The following CHID1 variants were observed in gnomAD, a reference collection of about 807,000 sequenced individuals.
CHID1 encodes chitinase domain-containing protein 1.
Under a neutral mutation model 55.4 loss-of-function variants are expected in CHID1, and 44 were observed. The observed-to-expected ratio is 0.79, with a 90% CI of 0.62 to 1.02. The LOEUF is 1.02. CHID1 is among the 50% of genes least tolerant of loss of function. The probability of loss-of-function intolerance (pLI) is 0.00; values close to 1 mark genes in which losing one functional copy is unlikely to be tolerated. For missense variants in CHID1, 491 were observed against 515.3 expected (o/e 0.95, Z 0.46); for synonymous variants, 216 against 212.9 (o/e 1.01, Z -0.13).
At chr11:896,707 C>T (rs1422872859) in intron 7 of CHID1, among the ~76,000 whole-genome samples, 1 of 137,798 alleles carries the variant, frequency 7.3e-6, no homozygotes, top group African/African-American at 2.8e-5. Flanking sequence ...TCTCAGCACC[C>T]CCAGCCTCCA....
intron 10 of CHID1, among the ~76,000 whole-genome samples, chr11:874,131 G>A (rs1221483362): frequency 3.3e-5 from 5 of 152,198 alleles, no homozygotes; most frequent in African/African-American, 9.7e-5. Flanking sequence ...TTGCTCCAAA[G>A]CCTGGGGACT....
chr11:871,279 C>T (rs1020514475), intron 10 of CHID1, among the ~76,000 whole-genome samples: 1 of 152,170 alleles, frequency 6.6e-6, no homozygotes, highest in African/African-American at 2.4e-5. Context: ...GCGTGAGCCA[C>T]CGCGCCTGGC....
At chr11:880,133 G>A (rs1849799129) in intron 10 of CHID1, among the ~76,000 whole-genome samples, 1 of 152,244 alleles carries the variant, frequency 6.6e-6, no homozygotes. Context: ...ATCTCAGCAG[G>A]AACAGGGGAC....
chr11:901,057 C>T (rs1565197871), intron 4 of CHID1, 77 bp from the exon 5 acceptor site: 6 of 1,374,770 alleles, frequency 4.4e-6, no homozygotes, highest in South Asian at 3.9e-5. Flanking sequence ...AGGAGGAAAA[C>T]GTGGCAGCCG....
chr11:905,292 A>G (rs902442881), intron 1 of CHID1, among the ~76,000 whole-genome samples: 1 of 152,182 alleles, frequency 6.6e-6, no homozygotes, highest in Non-Finnish European at 1.5e-5. Flanking sequence ...TAATCCCAAC[A>G]CTTTGGGAGA....
intron 2 of CHID1, among the ~76,000 whole-genome samples, chr11:903,321 G>A (rs1356490105): frequency 1.3e-5 from 2 of 152,344 alleles, no homozygotes; most frequent in African/African-American, 2.4e-5. Context: ...GACACTGGCC[G>A]ACGGTACAGG....
chr11:879,249 T>C (rs781000621), intron 10 of CHID1, among the ~76,000 whole-genome samples: 2 of 152,050 alleles, frequency 1.3e-5, no homozygotes, highest in African/African-American at 2.4e-5. Flanking sequence ...CTTATTCTTT[T>C]TCTTTTGTAG....
At position 869,774 on chromosome 11, in the gene CHID1, G is replaced by T; in HGVS notation, c.*84C>A. The T allele has an allele frequency of 8.2e-7, 1 of 1,225,260 alleles. No individual in the cohort carries two copies. The highest frequency in any genetic ancestry group is 1.2e-6 in the Non-Finnish European group (1 of 830,676). 75.9% of individuals were successfully genotyped at this position (1,225,260 alleles called of 1,614,324 possible). The stretch of plus-strand genomic sequence containing the variant: ...TGCAGCAGACCCGTCACAGCAAACG[G>T]AGTGGAGGCCTGTATTTCACACCTG... On this transcript the variant is annotated 3_prime_UTR_variant, in exon 13 of 13. Transcript: ENST00000323578.
chr11:886,004 C>A (rs1224865939), intron 8 of CHID1, among the ~76,000 whole-genome samples: 2 of 151,982 alleles, frequency 1.3e-5, no homozygotes, highest in Non-Finnish European at 2.9e-5. Flanking sequence ...AAAAAATTAG[C>A]CGGGCGTGGT....
chr11:869,430 C>T lies in CHID1; in HGVS notation c.*428G>A. ...CTCTCAGCTCTATCACTGCCAGGCC[C>T]TGGGGTGATGCTGGGCAGAGCTGTC... On this transcript the variant is annotated 3_prime_UTR_variant, in exon 13 of 13. Transcript: ENST00000323578. 4.6e-6 allele frequency: 1 copy of T among 216,462 alleles called. No individual in the cohort carries two copies. The highest frequency in any genetic ancestry group is 9.3e-6 in the Non-Finnish European group (1 of 107,638). 13.4% of individuals were successfully genotyped at this position (216,462 alleles called of 1,614,324 possible). A position where few individuals can be genotyped will look rare whatever the true frequency, so the allele number is the denominator to read the frequency against.
At chr11:908,522 G>A in intron 1 of CHID1, 3 of 967,706 alleles carry the variant, frequency 3.1e-6, no homozygotes, top group Non-Finnish European at 3.7e-6. Flanking sequence ...GCACAGGGAA[G>A]ACGGCCCAGA....
In CHID1 at chr11:869,963, A is replaced by G; in HGVS notation, c.1084-7T>C. The G allele has an allele frequency of 6.2e-7, 1 of 1,612,540 alleles. No individual in the cohort carries two copies. The highest frequency in any genetic ancestry group is 1.3e-5 in the African/African-American group (1 of 75,038). ...CCAGCCGCACCTGCAGGGACTGGGCACAGATGGAGGTGTGAGCACCTGCTG... is the reference window on the plus strand; with the variant it reads ...CCAGCCGCACCTGCAGGGACTGGGCGCAGATGGAGGTGTGAGCACCTGCTG... On this transcript the variant is annotated splice_region_variant and splice_polypyrimidine_tract_variant and intron_variant, in intron 12 of 12. Transcript: ENST00000323578.
At chr11:872,781 C>T (rs966117508) in intron 10 of CHID1, among the ~76,000 whole-genome samples, 2 of 152,170 alleles carry the variant, frequency 1.3e-5, no homozygotes, top group African/African-American at 4.8e-5. Context: ...TGTGCAGGGT[C>T]GTGGGCAGAT....
At chr11:899,145 T>A (rs937050206) in intron 7 of CHID1, among the ~76,000 whole-genome samples, 195 bp downstream of exon 7, 1 of 152,112 alleles carries the variant, frequency 6.6e-6, no homozygotes, top group Admixed American at 6.6e-5. Flanking sequence ...CACTTTTCTG[T>A]TCGGAGCCGG....
chr11:903,256 T>C, intron 2 of CHID1, 145 bp from the exon 3 acceptor site: 1 of 801,792 alleles, frequency 1.2e-6, no homozygotes, highest in Non-Finnish European at 1.9e-6. Flanking sequence ...CCCTGTATGT[T>C]GAGGATCGAG....
In CHID1 at chr11:875,588, G is replaced by T. The variant is rs912621435; in HGVS notation, c.960-5089C>A. Among the ~76,000 whole-genome samples, 9 of 152,192 alleles carry T rather than the reference G, an allele frequency of 5.9e-5. No individual in the cohort carries two copies. The highest frequency in any genetic ancestry group is 2.2e-4 in the African/African-American group (9 of 41,436). ...AGAACACGGTGAGCATGAGGCCGGG[G>T]ATCGGGGCTGGGGTTGCTGAAACTC... On this transcript the variant is annotated intron_variant, in intron 10 of 12. Coordinates refer to ENST00000323578, the MANE Select transcript of CHID1 (RefSeq NM_023947.4). This position sits in a 1 kb window ranked among gnomAD's most constrained non-coding sequence, Gnocchi z 4.7.
chr11:875,596 C>A lies in CHID1; in HGVS notation c.960-5097G>T, dbSNP rs1049732847. Among the ~76,000 whole-genome samples, 19 of 152,116 alleles carry A rather than the reference C, an allele frequency of 1.2e-4. No homozygotes were observed. The highest frequency in any genetic ancestry group is 1.1e-3 in the Admixed American group (17 of 15,272). ...GTGAGCATGAGGCCGGGGATCGGGG[C>A]TGGGGTTGCTGAAACTCTTAGCGCC... On this transcript the variant is annotated intron_variant, in intron 10 of 12. Transcript: ENST00000323578. The surrounding 1 kb of genome is among the most constrained non-coding windows in gnomAD (Gnocchi z 4.7).
rs1197783896 is a variant in CHID1 at position 870,411 on chromosome 11, ACACT to A, written c.1040+4_1040+7del. 3 of 1,606,626 alleles carry A rather than the reference ACACT, an allele frequency of 1.9e-6. No individual in the cohort carries two copies. The highest frequency in any genetic ancestry group is 2.7e-5 in the African/African-American group (2 of 74,762). Reference sequence around the variant, plus strand: ...GCCAAGGTGGGCCACGCACTTCAAAACACTCACTTCTTGTACTCGAAGAAGTGCT... The same window carrying A: ...GCCAAGGTGGGCCACGCACTTCAAAACACTTCTTGTACTCGAAGAAGTGCT... On this transcript the variant is annotated splice_donor_5th_base_variant and intron_variant, in intron 11 of 12. Transcript: ENST00000323578.
At chr11:914,840 G>A (rs1040485912), upstream of CHID1, 8 of 332,344 alleles carry the variant, frequency 2.4e-5, no homozygotes, top group East Asian at 2.7e-4. Flanking sequence ...GGGTCGCGGC[G>A]GCTCTGGGCG....
Sources: allele counts gnomAD v4.1 joint callset (sites outside exome capture counted in the v4.1 genomes callset), GRCh38; gene constraint gnomAD v4.1.1; non-coding constraint Gnocchi (gnomAD v3.1); transcripts MANE v1.5; gene names NCBI Gene and HGNC (gene_info 2026-07-23, HGNC 2026-07-21).